The following NDUFAF2 variants were observed in gnomAD, a reference collection of about 807,000 sequenced individuals.
The protein encoded by NDUFAF2 is NADH:ubiquinone oxidoreductase complex assembly factor 2, also known as NADH dehydrogenase [ubiquinone] 1 alpha subcomplex assembly factor 2.
A neutral mutation model predicts 22.8 loss-of-function variants in NDUFAF2; 13 were observed. The observed-to-expected ratio is 0.57, with a 90% CI of 0.37 to 0.91. NDUFAF2 has a LOEUF of 0.91. NDUFAF2 is among the 40% of genes least tolerant of loss of function. NDUFAF2 has a pLI of 0.01. For synonymous variants in NDUFAF2, 53 were observed against 64.2 expected (o/e 0.83, Z 0.84); for missense variants, 162 against 195.2 (o/e 0.83, Z 1.01).
At chr5:61,132,474 C>T (rs1753124417) in intron 3 of NDUFAF2, among the ~76,000 whole-genome samples, 1 of 152,052 alleles carries the variant, frequency 6.6e-6, no homozygotes, top group Non-Finnish European at 1.5e-5. Flanking sequence ...GCTGGAACAT[C>T]GCTGAGCCTC....
chr5:60,979,428 A>G (rs981142268), intron 1 of NDUFAF2, among the ~76,000 whole-genome samples: 4 of 152,124 alleles, frequency 2.6e-5, no homozygotes, highest in African/African-American at 2.4e-5. Flanking sequence ...AGGGAAGCCC[A>G]GCATCCTAAA....
chr5:61,096,833 G>A (rs1436759407), intron 2 of NDUFAF2, among the ~76,000 whole-genome samples: 3 of 152,008 alleles, frequency 2.0e-5, no homozygotes, highest in East Asian at 1.9e-4. Flanking sequence ...GCATGGTAGC[G>A]AGCACTTGTA....
intron 1 of NDUFAF2, among the ~76,000 whole-genome samples, chr5:61,072,251 A>G (rs978237113): frequency 6.6e-6 from 1 of 152,240 alleles, no homozygotes; most frequent in Non-Finnish European, 1.5e-5. Context: ...TACCATAGCC[A>G]TAACCAAACC....
chr5:60,952,934 G>A (rs1442325270), intron 1 of NDUFAF2, among the ~76,000 whole-genome samples: 1 of 151,740 alleles, frequency 6.6e-6, no homozygotes, highest in Non-Finnish European at 1.5e-5. Flanking sequence ...ATAAAACACA[G>A]AGAGAAAAAA....
intron 1 of NDUFAF2, among the ~76,000 whole-genome samples, chr5:60,959,100 G>T (rs1750652738): frequency 6.6e-6 from 1 of 152,008 alleles, no homozygotes. Flanking sequence ...GAATTAGTAT[G>T]CAGTTAAGTA....
At chr5:61,054,070 A>C (rs1278378959) in intron 1 of NDUFAF2, among the ~76,000 whole-genome samples, 1 of 152,114 alleles carries the variant, frequency 6.6e-6, no homozygotes, top group Non-Finnish European at 1.5e-5. Flanking sequence ...GCACGTTGGC[A>C]TGTGCCTGTA....
At chr5:61,105,616 C>A (rs1291953931) in intron 3 of NDUFAF2, among the ~76,000 whole-genome samples, 11 of 111,328 alleles carry the variant, frequency 9.9e-5, no homozygotes, top group South Asian at 3.2e-4. Context: ...ATCTCAGAAG[C>A]AATGATACTG....
chr5:60,971,238 C>T (rs1750823185), intron 1 of NDUFAF2, among the ~76,000 whole-genome samples: 1 of 151,188 alleles, frequency 6.6e-6, no homozygotes, highest in Admixed American at 6.6e-5. Flanking sequence ...TGGTGTGCTG[C>T]ACCCATTAAC....
At chr5:61,046,063 C>T (rs910662720) in intron 1 of NDUFAF2, among the ~76,000 whole-genome samples, 1 of 151,948 alleles carries the variant, frequency 6.6e-6, no homozygotes, top group Admixed American at 6.6e-5. Context: ...CTGCATCTAC[C>T]GAGATGATTA....
At chr5:61,071,971 C>T (rs974233500) in intron 1 of NDUFAF2, among the ~76,000 whole-genome samples, 3 of 152,164 alleles carry the variant, frequency 2.0e-5, no homozygotes, top group Non-Finnish European at 2.9e-5. Flanking sequence ...TTAAAATATG[C>T]ACTAATCAAC....
intron 1 of NDUFAF2, among the ~76,000 whole-genome samples, chr5:61,002,654 A>G (rs1353398041): frequency 6.6e-6 from 1 of 152,182 alleles, no homozygotes; most frequent in African/African-American, 2.4e-5. Flanking sequence ...ACAGTTGGAT[A>G]CAATGATGCC....
At position 61,002,202 on chromosome 5, in the gene NDUFAF2, T is replaced by C. The variant is rs1751305443; in HGVS notation, c.127+56820T>C. ...AGGATTGCTTATTAACTTTAAATCA[T>C]CAAACAGGTCTCCTTTCAGTTACCT... On this transcript the variant is annotated intron_variant, in intron 1 of 3. Transcript: ENST00000296597. Among the ~76,000 whole-genome samples, 2 of 152,142 alleles carry C rather than the reference T, an allele frequency of 1.3e-5. 1 individual carries two copies. Among genetic ancestry groups the C allele is most frequent in the South Asian group, 4.1e-4 (2 of 4,836 alleles).
In NDUFAF2 at chr5:61,034,748, C is replaced by T. The variant is rs376256250; in HGVS notation, c.128-38377C>T. 7.2e-5 allele frequency among the ~76,000 whole-genome samples: 11 copies of T among 152,086 alleles called. No individual in the cohort carries two copies. In the East Asian group the frequency reaches 1.2e-3, roughly 16 times the overall value. ...TCAAACTATGAAAGGAACACAAAGC[C>T]AAGGACAGTTGCTCAAATTAGTAAA... On this transcript the variant is annotated intron_variant, in intron 1 of 3. Coordinates refer to ENST00000296597, the MANE Select transcript of NDUFAF2 (RefSeq NM_174889.5).
intron 1 of NDUFAF2, among the ~76,000 whole-genome samples, chr5:60,984,551 T>TAA (rs1353733484): frequency 6.6e-6 from 1 of 152,216 alleles, no homozygotes; most frequent in East Asian, 1.9e-4. Context: ...AGATAGCTCT[T>TAA]ATTATTTTGA....
chr5:60,964,640 C>G (rs1056786223), intron 1 of NDUFAF2, among the ~76,000 whole-genome samples: 1 of 151,974 alleles, frequency 6.6e-6, no homozygotes, highest in Non-Finnish European at 1.5e-5. Flanking sequence ...TTGGTAGAGA[C>G]AGGGTTTCAC....
At chr5:61,107,046 T>TCCACACACACACAC (rs1752774083) in intron 3 of NDUFAF2, among the ~76,000 whole-genome samples, 1 of 123,938 alleles carries the variant, frequency 8.1e-6, no homozygotes, top group African/African-American at 3.2e-5. Flanking sequence ...TGGATAAATA[T>TCCACACACACACAC]ACACACACAC....
intron 3 of NDUFAF2, among the ~76,000 whole-genome samples, chr5:61,151,807 A>G (rs1399456175): frequency 6.6e-6 from 1 of 152,178 alleles, no homozygotes; most frequent in Non-Finnish European, 1.5e-5. Flanking sequence ...AAAAACAAAA[A>G]AAAACCAAAA....
At position 60,961,600 on chromosome 5, in the gene NDUFAF2, A is replaced by C. The variant is rs1294999949; in HGVS notation, c.127+16218A>C. On this transcript the variant is annotated intron_variant, in intron 1 of 3. Coordinates refer to ENST00000296597, the MANE Select transcript of NDUFAF2 (RefSeq NM_174889.5). ...ACAGAGCAAGACTCTGTCTCAAAAA[A>C]AAAAAAAAAAAAAAAATTAGCCAGA... Among the ~76,000 whole-genome samples, 17 of 149,734 alleles carry C rather than the reference A, an allele frequency of 1.1e-4. No homozygotes were observed. The South Asian group carries it at 3.6e-3, about 32-fold the overall frequency.
chr5:60,979,125 A>G (rs1365085463), intron 1 of NDUFAF2, among the ~76,000 whole-genome samples: 1 of 151,792 alleles, frequency 6.6e-6, no homozygotes, highest in Admixed American at 6.5e-5. Context: ...CTTGCTGACA[A>G]AAGTGCCTTG....
Sources: allele counts gnomAD v4.1 joint callset (sites outside exome capture counted in the v4.1 genomes callset), GRCh38; gene constraint gnomAD v4.1.1; transcripts MANE v1.5; gene names NCBI Gene and HGNC (gene_info 2026-07-23, HGNC 2026-07-21).